TFDP2: variants seen among roughly 807,000 people sequenced by gnomAD.
The protein encoded by TFDP2 is transcription factor Dp-2 (E2F dimerization partner 2).
TFDP2 carries 17 observed loss-of-function variants against 59.3 expected under a neutral mutation model. That is an observed-to-expected ratio of 0.29 (90% CI 0.20 to 0.43). The LOEUF is 0.43. TFDP2 is among the 20% of genes least tolerant of loss of function. TFDP2 has a pLI of 1.00. For missense variants in TFDP2, 391 were observed against 528.8 expected, an observed-to-expected ratio of 0.74 and a Z score of 2.56; for synonymous variants, 180 against 194.7, an observed-to-expected ratio of 0.92 and a Z score of 0.63.
chr3:142,015,623 C>T (rs1945073491), intron 3 of TFDP2, among the ~76,000 whole-genome samples: 2 of 152,188 alleles, frequency 1.3e-5, no homozygotes, highest in South Asian at 4.1e-4. Context: ...AACATCTTGG[C>T]TTCAATTACT....
intron 3 of TFDP2, among the ~76,000 whole-genome samples, chr3:142,025,255 G>A (rs1945982176): frequency 6.6e-6 from 1 of 152,070 alleles, no homozygotes; most frequent in Non-Finnish European, 1.5e-5. Flanking sequence ...TACTCTCTAT[G>A]TTCTATACTC....
Position 141,995,161 on chromosome 3 carries a change from G to T in TFDP2, c.187-20C>A. The T allele has an allele frequency of 6.5e-7, 1 of 1,544,808 alleles. No homozygotes were observed. ...TATAATCTGTAAAGTTAGGAACAAAGAATATAATATTCTTAATTATTAAGA... is the reference window on the plus strand; with the variant it reads ...TATAATCTGTAAAGTTAGGAACAAATAATATAATATTCTTAATTATTAAGA... On this transcript the variant is annotated intron_variant, in intron 4 of 12. Coordinates refer to ENST00000489671, the MANE Select transcript of TFDP2 (RefSeq NM_001178139.2).
At chr3:142,005,412 T>C (rs1944131172) in intron 4 of TFDP2, 29 bp downstream of exon 4, 2 of 1,508,380 alleles carry the variant, frequency 1.3e-6, no homozygotes, top group Non-Finnish European at 1.8e-6. Flanking sequence ...AAACAAAGTT[T>C]CAATTCTAAG....
intron 3 of TFDP2, among the ~76,000 whole-genome samples, chr3:142,024,279 G>A (rs1945892693): frequency 6.6e-6 from 1 of 152,202 alleles, no homozygotes; most frequent in Non-Finnish European, 1.5e-5. Flanking sequence ...CAGCTTTAGA[G>A]TTACCATGTA....
At chr3:141,970,725 A>C (rs1163070425) in intron 8 of TFDP2, among the ~76,000 whole-genome samples, 1 of 152,216 alleles carries the variant, frequency 6.6e-6, no homozygotes, top group Non-Finnish European at 1.5e-5. Context: ...ATTCCAGCTT[A>C]GCTGACTCTC....
At chr3:142,042,557 C>T (rs1195194828) in intron 3 of TFDP2, among the ~76,000 whole-genome samples, 2 of 151,876 alleles carry the variant, frequency 1.3e-5, no homozygotes, top group Admixed American at 6.5e-5. Context: ...CTCAGCCTCC[C>T]AAAGTGCTGG....
rs142287097 is a variant in TFDP2 at position 142,109,313 on chromosome 3, C to G, written c.-92-7472G>C. 3.4e-3 allele frequency among the ~76,000 whole-genome samples: 513 copies of G among 151,278 alleles called. 2 individuals are homozygous for G. The highest frequency in any genetic ancestry group is 0.012 in the African/African-American group (482 of 41,386). The stretch of plus-strand genomic sequence containing the variant: ...TGCAGACATTTAACACATCACACAT[C>G]TGAAATGTCAGTAAGCTACATTTTT... On this transcript the variant is annotated intron_variant, in intron 1 of 12. Transcript: ENST00000489671.
intron 4 of TFDP2, among the ~76,000 whole-genome samples, chr3:142,001,983 A>C (rs1004769969): frequency 6.9e-5 from 10 of 144,880 alleles, no homozygotes; most frequent in African/African-American, 2.6e-4. Context: ...AGGTGCCACC[A>C]TGCCTGGTTT....
intron 1 of TFDP2, among the ~76,000 whole-genome samples, chr3:142,109,498 T>C (rs1577005076): frequency 6.6e-6 from 1 of 152,064 alleles, no homozygotes; most frequent in East Asian, 1.9e-4. Flanking sequence ...CTGGCTAATT[T>C]TGTATTTTTA....
At chr3:141,954,236 A>G (rs1458060871) in intron 11 of TFDP2, among the ~76,000 whole-genome samples, 1 of 152,180 alleles carries the variant, frequency 6.6e-6, no homozygotes, top group East Asian at 1.9e-4. Context: ...CATATACCAC[A>G]TTTATCCTAT....
At chr3:142,021,911 G>A (rs1165928998) in intron 3 of TFDP2, among the ~76,000 whole-genome samples, 1 of 152,074 alleles carries the variant, frequency 6.6e-6, no homozygotes, top group African/African-American at 2.4e-5. Flanking sequence ...CTCATCTGTA[G>A]GTTTGATACT....
At chr3:141,984,519 T>C (rs1941860952) in intron 6 of TFDP2, among the ~76,000 whole-genome samples, 1 of 152,102 alleles carries the variant, frequency 6.6e-6, no homozygotes. Context: ...AGATATTGTA[T>C]GATTCCACTT....
intron 9 of TFDP2, among the ~76,000 whole-genome samples, chr3:141,965,124 C>G (rs751482475): frequency 6.7e-6 from 1 of 149,920 alleles, no homozygotes; most frequent in Non-Finnish European, 1.5e-5. Context: ...TAGAATTTCA[C>G]AGCTAGAAAG....
At chr3:141,997,888 AAGAG>A (rs894327293) in intron 4 of TFDP2, among the ~76,000 whole-genome samples, 1 of 151,924 alleles carries the variant, frequency 6.6e-6, no homozygotes, top group Admixed American at 6.6e-5. Context: ...AAAGGAAAAA[AAGAG>A]AGAAGGAAGG....
At chr3:142,018,650 G>T (rs1945331549) in intron 3 of TFDP2, among the ~76,000 whole-genome samples, 1 of 151,942 alleles carries the variant, frequency 6.6e-6, no homozygotes, top group Non-Finnish European at 1.5e-5. Flanking sequence ...TCACCATGTT[G>T]CCCAGGCTAT....
At chr3:142,018,056 C>T (rs1457070819) in intron 3 of TFDP2, among the ~76,000 whole-genome samples, 1 of 151,808 alleles carries the variant, frequency 6.6e-6, no homozygotes, top group Non-Finnish European at 1.5e-5. Flanking sequence ...GATTCTCCTG[C>T]CTCAGCCTCC....
chr3:142,025,364 T>A (rs1945990368), intron 3 of TFDP2, among the ~76,000 whole-genome samples: 3 of 152,260 alleles, frequency 2.0e-5, no homozygotes, highest in Admixed American at 6.5e-5. Context: ...TGGGAATTCA[T>A]CTTAAAATAA....
At chr3:142,001,995 T>TC (rs1358301584) in intron 4 of TFDP2, among the ~76,000 whole-genome samples, 1 of 150,596 alleles carries the variant, frequency 6.6e-6, no homozygotes, top group African/African-American at 2.4e-5. Context: ...GCCTGGTTTT[T>TC]TTTTTTTTTT....
At chr3:142,071,546 C>T (rs180745224) in intron 3 of TFDP2, among the ~76,000 whole-genome samples, 5 of 152,152 alleles carry the variant, frequency 3.3e-5, no homozygotes, top group Non-Finnish European at 2.9e-5. Context: ...AAGATTTGTG[C>T]AGATCTGTGT....
Sources: gnomAD v4.1 joint callset for allele counts (sites outside exome capture counted in the v4.1 genomes callset) on GRCh38, gnomAD v4.1.1 for gene constraint, MANE v1.5 for transcripts, NCBI Gene and HGNC (gene_info 2026-07-23, HGNC 2026-07-21) for gene names.